Variants in SEMA3F observed in about 807,000 individuals in gnomAD.
SEMA3F encodes semaphorin 3F, also known as semaphorin-3F.
Under a neutral mutation model 98.5 loss-of-function variants are expected in SEMA3F, and 30 were observed. The ratio of observed to expected loss-of-function variants is 0.30; its 90% CI spans 0.23 to 0.41. The LOEUF is 0.41. SEMA3F is among the 10% of genes least tolerant of loss of function. The pLI, the probability that SEMA3F is intolerant of heterozygous loss-of-function variation, is 1.00. For missense variants in SEMA3F, 866 were observed against 1,119.3 expected (o/e 0.77, Z 3.23); for synonymous variants, 380 against 444.8 (o/e 0.85, Z 1.83).
intron 2 of SEMA3F, among the ~76,000 whole-genome samples, chr3:50,169,503 C>T: frequency 6.6e-6 from 1 of 152,194 alleles, no homozygotes; most frequent in Non-Finnish European, 1.5e-5. Flanking sequence ...GGATGTCACC[C>T]CTCCCAACCT....
At chr3:50,171,013 G>A (rs1698578085) in intron 2 of SEMA3F, among the ~76,000 whole-genome samples, 1 of 152,156 alleles carries the variant, frequency 6.6e-6, no homozygotes, top group African/African-American at 2.4e-5. Flanking sequence ...CTTCAGCCAT[G>A]GACCTAGGTG....
At chr3:50,162,276 C>T (rs779182318) in intron 2 of SEMA3F, among the ~76,000 whole-genome samples, 4 of 152,170 alleles carry the variant, frequency 2.6e-5, no homozygotes, top group Admixed American at 6.5e-5. Flanking sequence ...GTTTGCTGCC[C>T]GCCCATCCGC....
In SEMA3F at chr3:50,187,851, C is replaced by T; in HGVS notation, c.2094C>T (p.Gly698=). The change falls in exon 19 of 19, where the codon GGC becomes GGT. Residue 698 remains glycine (G), a synonymous_variant. Transcript: ENST00000002829. The part of the protein sequence containing the change: ...VVTRVQLHVL[G]RDAVHAALFP... ...CACGAGTGCAGCTGCATGTACTGGGCCGGGACGCCGTCCATGCTGCCCTCT... is the reference window on the plus strand; with the variant it reads ...CACGAGTGCAGCTGCATGTACTGGGTCGGGACGCCGTCCATGCTGCCCTCT... The T allele has an allele frequency of 1.2e-6, 2 of 1,613,340 alleles. No individual in the cohort carries two copies. Among genetic ancestry groups the T allele is most frequent in the Non-Finnish European group, 8.5e-7 (1 of 1,179,956 alleles).
At chr3:50,173,343 G>T (rs1286377088) in intron 2 of SEMA3F, 1 of 163,640 alleles carries the variant, frequency 6.1e-6, no homozygotes, top group East Asian at 1.8e-4. Flanking sequence ...GTGGTGGCGG[G>T]CGCCTGTGAT....
chr3:50,159,566 C>T lies in SEMA3F; in HGVS notation c.-48-9C>T, dbSNP rs1019777010. On this transcript the variant is annotated splice_polypyrimidine_tract_variant and intron_variant, in intron 1 of 18. Coordinates refer to ENST00000002829, the MANE Select transcript of SEMA3F (RefSeq NM_004186.5). ...CCTCACACATTCCAATCTTGGTTCC[C>T]CTTCCCAGGTTTCTAGAGAGTGGAG... is the stretch of plus-strand genomic sequence containing the variant. 3 of 1,081,100 alleles carry T rather than the reference C, an allele frequency of 2.8e-6. No homozygotes were observed. The highest frequency in any genetic ancestry group is 3.2e-5 in the African/African-American group (2 of 62,634). The allele number at this position is 1,081,100 out of a possible 1,614,324, so 67.0% of individuals were successfully genotyped here.
chr3:50,187,499 T>G (rs1559741035), intron 18 of SEMA3F, among the ~76,000 whole-genome samples: 1 of 151,168 alleles, frequency 6.6e-6, no homozygotes. Flanking sequence ...CTCCTTATGG[T>G]CATCACTCCT....
intron 2 of SEMA3F, among the ~76,000 whole-genome samples, chr3:50,169,257 T>C (rs1698515629): frequency 6.6e-6 from 1 of 152,108 alleles, no homozygotes; most frequent in South Asian, 2.1e-4. Context: ...TGCCCGCACC[T>C]TTAAAGTAAG....
In SEMA3F at chr3:50,183,482, A is replaced by G; in HGVS notation, c.1151A>G (p.Asn384Ser). Residue 384 changes from asparagine (N) to serine (S), a missense_variant, in exon 12 of 19, where the codon AAC (asparagine) becomes AGC (serine). Coordinates refer to ENST00000002829, the MANE Select transcript of SEMA3F (RefSeq NM_004186.5). The part of the protein sequence containing the change: ...YSMADIRMVF[N>S]GPFAHKEGPN... Reference sequence around the variant, plus strand: ...ATGGCTGATATTCGCATGGTCTTCAACGGGCCCTTTGCCCACAAAGAGGGG... The same window carrying G: ...ATGGCTGATATTCGCATGGTCTTCAGCGGGCCCTTTGCCCACAAAGAGGGG... 3.1e-6 allele frequency: 5 copies of G among 1,614,118 alleles called. No individual in the cohort carries two copies. Among genetic ancestry groups the G allele is most frequent in the South Asian group, 2.2e-5 (2 of 91,090 alleles).
intron 2 of SEMA3F, 55 bp downstream of exon 2, chr3:50,159,789 C>A: frequency 8.4e-7 from 1 of 1,184,518 alleles, no homozygotes; most frequent in Non-Finnish European, 1.3e-6. Flanking sequence ...CAATAGCGCT[C>A]GGCTCCTCTG....
At position 50,182,527 on chromosome 3, in the gene SEMA3F, G is replaced by C. The variant is rs933696034; in HGVS notation, c.764-117G>C. On this transcript the variant is annotated intron_variant, in intron 8 of 18. Transcript: ENST00000002829. This position sits in a 1 kb window ranked among gnomAD's most constrained non-coding sequence, Gnocchi z 4.5. ...CCTATGACTACCTGGGGCAGGGGTA[G>C]TTTCTTATCTGGAGAGGAGTTGGGG... The C allele has an allele frequency of 1.3e-5, 20 of 1,575,836 alleles. No homozygotes were observed. Among genetic ancestry groups the C allele is most frequent in the Non-Finnish European group, 1.6e-5 (19 of 1,155,410 alleles).
intron 10 of SEMA3F, 83 bp from the exon 11 acceptor site, chr3:50,183,103 G>GC: frequency 6.4e-7 from 1 of 1,566,892 alleles, no homozygotes; most frequent in South Asian, 1.1e-5. Context: ...CCTTTGGTGG[G>GC]CCCCCTCCCC....
rs1390792268 is a variant in SEMA3F, at chr3:50,182,960, G to A, written c.960G>A (p.Ala320=). The change falls in exon 10 of 19, where the codon GCG becomes GCA. Residue 320 remains alanine (A), a synonymous_variant. Transcript: ENST00000002829. The surrounding 1 kb of genome is among the most constrained non-coding windows in gnomAD (Gnocchi z 4.5). ...ACAAGTGGAGCACATTCCTGAAGGC[G>A]CGGCTCGTCTGCTCTGTCCCGGGCG... ...LVNKWSTFLK[A]RLVCSVPGED... 16 of 1,613,884 alleles carry A rather than the reference G, an allele frequency of 9.9e-6. No individual in the cohort carries two copies. Among genetic ancestry groups the A allele is most frequent in the South Asian group, 5.5e-5 (5 of 91,094 alleles).
In SEMA3F at chr3:50,184,832, C is replaced by T. The variant is rs1330184945; in HGVS notation, c.1456+18C>T. 7.5e-6 allele frequency: 12 copies of T among 1,596,878 alleles called. No individual in the cohort carries two copies. In the Admixed American group the frequency reaches 8.4e-5, roughly 11 times the overall value. On this transcript the variant is annotated intron_variant, in intron 13 of 18. Coordinates refer to ENST00000002829, the MANE Select transcript of SEMA3F (RefSeq NM_004186.5). ...GGGCACAGGTACCCACTGCTGCTCC[C>T]GGCCTCTCCCACGCTGGGCCCACCG...
At chr3:50,174,546 G>A (rs1010888632) in intron 5 of SEMA3F, among the ~76,000 whole-genome samples, 196 bp downstream of exon 5, 4 of 152,264 alleles carry the variant, frequency 2.6e-5, no homozygotes, top group Admixed American at 6.5e-5. Context: ...CTCACAGGTC[G>A]GTGTGAGGAG....
chr3:50,157,248 A>C (rs1575368498), intron 1 of SEMA3F, among the ~76,000 whole-genome samples: 5 of 148,430 alleles, frequency 3.4e-5, no homozygotes, highest in East Asian at 2.0e-4. Flanking sequence ...GTGCCTCCGG[A>C]CTCCTTCCTC....
Position 50,176,880 on chromosome 3 carries a change from C to A in SEMA3F, c.643+19C>A. The A allele has an allele frequency of 6.3e-7, 1 of 1,588,314 alleles. No individual in the cohort carries two copies. Among genetic ancestry groups the A allele is most frequent in the South Asian group, 1.1e-5 (1 of 90,566 alleles). On this transcript the variant is annotated intron_variant, in intron 7 of 18. Transcript: ENST00000002829. Reference sequence around the variant, plus strand: ...CTCATCAGTGAGTGCCCCCCAACCCCGCTCTACAGTCTCAATGTGTGGCCT... The same window carrying A: ...CTCATCAGTGAGTGCCCCCCAACCCAGCTCTACAGTCTCAATGTGTGGCCT...
chr3:50,168,254 G>T (rs1299303424), intron 2 of SEMA3F, among the ~76,000 whole-genome samples: 5 of 152,070 alleles, frequency 3.3e-5, no homozygotes, highest in African/African-American at 1.2e-4. Flanking sequence ...CCCAGGGAGG[G>T]TGCAGCTGGG....
rs1222958772 is a variant in SEMA3F, at chr3:50,158,026, G to A, written c.-48-1549G>A. Among the ~76,000 whole-genome samples, 3 of 152,214 alleles carry A rather than the reference G, an allele frequency of 2.0e-5. No homozygotes were observed. Among genetic ancestry groups the A allele is most frequent in the South Asian group, 2.1e-4 (1 of 4,834 alleles). On this transcript the variant is annotated intron_variant, in intron 1 of 18. Coordinates refer to ENST00000002829, the MANE Select transcript of SEMA3F (RefSeq NM_004186.5). This position sits in a 1 kb window ranked among gnomAD's most constrained non-coding sequence, Gnocchi z 4.8. ...TGAGCAAACTCATGCTTGTAAGGAC[G>A]TGTGTGGGCCTGCAAGTGTGAACGT...
chr3:50,163,866 G>A (rs1698308615), intron 2 of SEMA3F, among the ~76,000 whole-genome samples: 1 of 152,208 alleles, frequency 6.6e-6, no homozygotes, highest in Non-Finnish European at 1.5e-5. Flanking sequence ...ACGCCAGGAT[G>A]AGGGAGGAAG....
Sources: gnomAD v4.1 joint callset for allele counts (sites outside exome capture counted in the v4.1 genomes callset) on GRCh38, gnomAD v4.1.1 for gene constraint, Gnocchi (gnomAD v3.1) non-coding constraint, MANE v1.5 for transcripts, NCBI Gene and HGNC (gene_info 2026-07-23, HGNC 2026-07-21) for gene names.